SGK1: variants seen among roughly 807,000 people sequenced by gnomAD.
The protein encoded by SGK1 is serum/glucocorticoid regulated kinase 1, also known as serine/threonine-protein kinase Sgk1.
SGK1 carries 26 observed loss-of-function variants against 64.2 expected under a neutral mutation model. The ratio of observed to expected loss-of-function variants is 0.40; its 90% CI spans 0.30 to 0.56. SGK1 has a LOEUF of 0.56. Among genes scored for constraint, SGK1 ranks in the 20% least tolerant of loss-of-function variants. The pLI is 0.38. For synonymous variants in SGK1, 265 were observed against 239.7 expected (o/e 1.11, Z -0.98); for missense variants, 519 against 645.6 (o/e 0.80, Z 2.12).
At chr6:134,316,101 T>C (rs1777680868) in intron 1 of SGK1, among the ~76,000 whole-genome samples, 1 of 152,152 alleles carries the variant, frequency 6.6e-6, no homozygotes, top group African/African-American at 2.4e-5. Flanking sequence ...TGAATGCATA[T>C]GCTTTGGCCC....
chr6:134,234,461 A>C (rs1776334177), intron 2 of SGK1, among the ~76,000 whole-genome samples: 1 of 152,254 alleles, frequency 6.6e-6, no homozygotes, highest in Non-Finnish European at 1.5e-5. Context: ...TGTAACTAGA[A>C]GGAGAGACAA....
intron 1 of SGK1, among the ~76,000 whole-genome samples, chr6:134,263,919 A>T (rs1329577209): frequency 6.6e-6 from 1 of 152,094 alleles, no homozygotes; most frequent in Non-Finnish European, 1.5e-5. Flanking sequence ...AAATAAGTAA[A>T]TGAAGAATAA....
chr6:134,296,563 C>A (rs1384035102), intron 1 of SGK1, among the ~76,000 whole-genome samples: 1 of 152,070 alleles, frequency 6.6e-6, no homozygotes, highest in African/African-American at 2.4e-5. Flanking sequence ...CTCAAGCAAC[C>A]CTCTTGCCTC....
intron 9 of SGK1, 163 bp downstream of exon 9, chr6:134,172,499 G>GT: frequency 1.3e-6 from 1 of 790,156 alleles, no homozygotes; most frequent in Non-Finnish European, 2.0e-6. Context: ...TACTTGGCTG[G>GT]TTCCCCCTTG....
In SGK1 at chr6:134,227,943, C is replaced by CTTT. The variant is rs869082001; in HGVS notation, c.286-20515_286-20513dup. 3.4e-3 allele frequency among the ~76,000 whole-genome samples: 240 copies of CTTT among 69,756 alleles called. 24 individuals are homozygous for CTTT. Among genetic ancestry groups the CTTT allele is most frequent in the African/African-American group, 0.012 (219 of 18,126 alleles). 45.8% of individuals were successfully genotyped at this position (69,756 alleles called of 152,430 possible). A position where few individuals can be genotyped will look rare whatever the true frequency, so the allele number is the denominator to read the frequency against. Reference sequence around the variant, plus strand: ...AATAGAAGACTGAATGGAATTCATTCTTTTTTTTTTTTTTTTTTTTTTTTT... The same window carrying CTTT: ...AATAGAAGACTGAATGGAATTCATTCTTTTTTTTTTTTTTTTTTTTTTTTTTTT... On this transcript the variant is annotated intron_variant, in intron 2 of 13. Coordinates refer to ENST00000367858, the MANE Select transcript of SGK1 (RefSeq NM_001143676.3).
intron 2 of SGK1, among the ~76,000 whole-genome samples, chr6:134,230,952 T>A (rs1308684820): frequency 1.3e-5 from 2 of 152,096 alleles, no homozygotes; most frequent in Non-Finnish European, 2.9e-5. Context: ...AGGCAGAGGC[T>A]GTAGTGAGCC....
intron 1 of SGK1, among the ~76,000 whole-genome samples, chr6:134,307,700 CCT>C (rs1777554714): frequency 1.3e-5 from 2 of 152,170 alleles, no homozygotes; most frequent in African/African-American, 4.8e-5. Flanking sequence ...ATGAAACCAT[CCT>C]CTTTTTTTCC....
intron 2 of SGK1, chr6:134,261,680 A>G: frequency 1.7e-6 from 1 of 597,552 alleles, no homozygotes; most frequent in South Asian, 2.1e-5. Flanking sequence ...GTGCATGGGG[A>G]CAAGCGTATA....
At chr6:134,209,651 A>G (rs1775852710) in intron 2 of SGK1, among the ~76,000 whole-genome samples, 1 of 152,132 alleles carries the variant, frequency 6.6e-6, no homozygotes, top group Admixed American at 6.6e-5. Flanking sequence ...GTTTAGTTTC[A>G]CCGACATTTT....
intron 2 of SGK1, among the ~76,000 whole-genome samples, chr6:134,238,086 A>G (rs559622261): frequency 5.1e-4 from 77 of 152,334 alleles, no homozygotes; most frequent in Non-Finnish European, 1.0e-3. Flanking sequence ...AAAAGAGATT[A>G]TCTGTATCTC....
intron 3 of SGK1, among the ~76,000 whole-genome samples, chr6:134,180,589 G>A (rs980023817): frequency 1.3e-5 from 2 of 151,956 alleles, no homozygotes; most frequent in Non-Finnish European, 2.9e-5. Flanking sequence ...GAGGACTGTG[G>A]TGGCCAGGTG....
At chr6:134,206,383 ATTTTTTTTTTTTTT>A (rs869072819) in intron 3 of SGK1, among the ~76,000 whole-genome samples, 15 of 16,616 alleles carry the variant, frequency 9.0e-4, no homozygotes, top group African/African-American at 2.5e-3. Flanking sequence ...ATATATATAT[ATTTTTTTTTTTTTT>A]TTTTTTTTTT....
chr6:134,268,155 A>T (rs1175416825), intron 1 of SGK1, among the ~76,000 whole-genome samples: 1 of 152,196 alleles, frequency 6.6e-6, no homozygotes, highest in Admixed American at 6.5e-5. Flanking sequence ...TCAAGCTACA[A>T]CTGGCCCATT....
intron 2 of SGK1, among the ~76,000 whole-genome samples, chr6:134,208,870 A>G (rs1165876636): frequency 8.0e-6 from 1 of 125,494 alleles, no homozygotes; most frequent in East Asian, 2.4e-4. Context: ...ATGTGTATAT[A>G]TGCATATACA....
At chr6:134,264,341 G>T (rs546636710) in intron 1 of SGK1, among the ~76,000 whole-genome samples, 4 of 151,826 alleles carry the variant, frequency 2.6e-5, no homozygotes, top group Non-Finnish European at 4.4e-5. Context: ...GGATGGTCTC[G>T]ATCTCCTGAC....
At chr6:134,238,401 A>G (rs558987382) in intron 2 of SGK1, among the ~76,000 whole-genome samples, 1 of 152,346 alleles carries the variant, frequency 6.6e-6, no homozygotes, top group East Asian at 1.9e-4. Context: ...CCTTTTCAGC[A>G]TTAATTACAG....
intron 1 of SGK1, among the ~76,000 whole-genome samples, chr6:134,300,259 C>T (rs776812211): frequency 4.4e-4 from 67 of 152,044 alleles, no homozygotes; most frequent in Non-Finnish European, 6.9e-4. Context: ...TGGTGGCAGG[C>T]GGGGCGCAAT....
chr6:134,317,798 TC>T lies in SGK1; in HGVS notation c.-339del. The stretch of plus-strand genomic sequence containing the variant: ...TTACCGAGCGGGAGAAGGGTACGCC[TC>T]CCCGCCCCCAGCTACCTGGCTGCTC... On this transcript the variant is annotated 5_prime_UTR_variant, in exon 1 of 14. Coordinates refer to ENST00000367858, the MANE Select transcript of SGK1 (RefSeq NM_001143676.3). 1 of 236,180 alleles carries T rather than the reference TC, an allele frequency of 4.2e-6. No individual in the cohort carries two copies. The highest frequency in any genetic ancestry group is 8.2e-6 in the Non-Finnish European group (1 of 122,566). 14.6% of individuals were successfully genotyped at this position (236,180 alleles called of 1,614,324 possible). A position where few individuals can be genotyped will look rare whatever the true frequency, so the allele number is the denominator to read the frequency against.
At chr6:134,279,680 G>A (rs1777066173) in intron 1 of SGK1, among the ~76,000 whole-genome samples, 1 of 151,968 alleles carries the variant, frequency 6.6e-6, no homozygotes, top group Admixed American at 6.6e-5. Context: ...CTGCTATATG[G>A]GAGAATTTCA....
Sources: allele counts gnomAD v4.1 joint callset (sites outside exome capture counted in the v4.1 genomes callset), GRCh38; gene constraint gnomAD v4.1.1; transcripts MANE v1.5; gene names NCBI Gene and HGNC (gene_info 2026-07-23, HGNC 2026-07-21).